The following GPR26 variants were observed in gnomAD, a reference collection of about 807,000 sequenced individuals.
GPR26 encodes the protein G protein-coupled receptor 26.
Under a neutral mutation model 23.1 loss-of-function variants are expected in GPR26, and 15 were observed. That is an observed-to-expected ratio of 0.65 (90% CI 0.43 to 1.00). The LOEUF is 1.00. GPR26 is among the 50% of genes least tolerant of loss of function. The pLI, the probability that GPR26 is intolerant of heterozygous loss-of-function variation, is 0.00. For missense variants in GPR26, 359 were observed against 470.5 expected (o/e 0.76, Z 2.19); for synonymous variants, 228 against 222.1 (o/e 1.03, Z -0.24).
At chr10:123,682,241 T>C (rs776169834) in intron 2 of GPR26, among the ~76,000 whole-genome samples, 1 of 152,166 alleles carries the variant, frequency 6.6e-6, no homozygotes, top group African/African-American at 2.4e-5. Context: ...CAGTCTCCCA[T>C]GTCACTGACA....
At chr10:123,668,033 G>A (rs1237790345) in intron 1 of GPR26, among the ~76,000 whole-genome samples, 1 of 152,136 alleles carries the variant, frequency 6.6e-6, no homozygotes, top group Non-Finnish European at 1.5e-5. Flanking sequence ...CTGTGTCCTG[G>A]GACCCTAGAT....
At chr10:123,675,818 A>ACGTGTGTGTGTGTGTGTGTGTG (rs1845300793) in intron 2 of GPR26, among the ~76,000 whole-genome samples, 1 of 16,520 alleles carries the variant, frequency 6.1e-5, no homozygotes. Flanking sequence ...GTGTGTGTGT[A>ACGTGTGTGTGTGTGTGTGTGTG]CGTGTGTGTG....
At position 123,666,917 on chromosome 10, in the gene GPR26, C is replaced by T. The variant is rs765974110; in HGVS notation, c.510C>T (p.Ala170=). 1.2e-6 allele frequency: 2 copies of T among 1,613,272 alleles called. No homozygotes were observed. Among genetic ancestry groups the T allele is most frequent in the South Asian group, 1.1e-5 (1 of 91,068 alleles). Residue 170 remains alanine (A), a synonymous_variant, in exon 1 of 3, where the codon GCC becomes GCT. Transcript: ENST00000284674. ...GGCCAGACGAGCGCCTGCGCTTCGC[C>T]GTCTTCACTGGCGCCTTCCACGCTC... ...SRRPDERLRF[A]VFTGAFHALS...
At chr10:123,680,549 G>T (rs1347573155) in intron 2 of GPR26, among the ~76,000 whole-genome samples, 1 of 152,196 alleles carries the variant, frequency 6.6e-6, no homozygotes, top group Non-Finnish European at 1.5e-5. Context: ...GCAGAAGGAT[G>T]TCTCCCTTGC....
chr10:123,675,750 T>C (rs1032519120), intron 2 of GPR26, among the ~76,000 whole-genome samples: 1 of 144,644 alleles, frequency 6.9e-6, no homozygotes, highest in Non-Finnish European at 1.5e-5. Flanking sequence ...AGAAGGTGGA[T>C]ATGGAAGCTT....
Position 123,688,007 on chromosome 10 carries a change from C to A in GPR26, c.861C>A (p.Ala287=), listed in dbSNP as rs747400565. 6.2e-7 allele frequency: 1 copy of A among 1,614,020 alleles called. No individual in the cohort carries two copies. Among genetic ancestry groups the A allele is most frequent in the South Asian group, 1.1e-5 (1 of 91,074 alleles). The stretch of plus-strand genomic sequence containing the variant: ...CCAAGTGCTTGGCGTACAGCAAGGC[C>A]GCATCCGACCCCTTTGTGTACTCCT... The part of the protein sequence containing the change: ...VLSKCLAYSK[A]ASDPFVYSLL... The change falls in exon 3 of 3, where the codon GCC becomes GCA. Residue 287 remains alanine (A), a synonymous_variant. Transcript: ENST00000284674.
intron 1 of GPR26, 72 bp downstream of exon 1, chr10:123,667,147 C>A: frequency 8.8e-7 from 1 of 1,142,694 alleles, no homozygotes; most frequent in Non-Finnish European, 1.2e-6. Context: ...GTCCCTAGCC[C>A]CAGGGGCTCT....
At chr10:123,681,360 T>A (rs1845373240) in intron 2 of GPR26, among the ~76,000 whole-genome samples, 1 of 152,278 alleles carries the variant, frequency 6.6e-6, no homozygotes, top group South Asian at 2.1e-4. Context: ...CACAACCCAC[T>A]CAGAAACGGA....
At chr10:123,684,556 C>T (rs1487709136) in intron 2 of GPR26, among the ~76,000 whole-genome samples, 1 of 152,198 alleles carries the variant, frequency 6.6e-6, no homozygotes, top group African/African-American at 2.4e-5. Context: ...GTGTTGGTTC[C>T]TTCTGAGGGT....
At chr10:123,667,132 G>C in intron 1 of GPR26, 57 bp downstream of exon 1, 1 of 1,287,936 alleles carries the variant, frequency 7.8e-7, no homozygotes, top group Admixed American at 2.5e-5. Flanking sequence ...CGGCGGGAGT[G>C]GGAGGTCCCT....
At chr10:123,679,968 C>T (rs1845351669) in intron 2 of GPR26, among the ~76,000 whole-genome samples, 2 of 152,238 alleles carry the variant, frequency 1.3e-5, no homozygotes, top group African/African-American at 4.8e-5. Context: ...GGGGGAACAT[C>T]CAGGGGTAGG....
rs1845477856 is a variant in GPR26, at chr10:123,690,287, C to G, written c.*2127C>G. On this transcript the variant is annotated 3_prime_UTR_variant, in exon 3 of 3. Transcript: ENST00000284674. ...ACAGCTGAATTGGAGGAGAGTAGCT[C>G]CCTTCTCACACAAACGCTTTCAAAG... 3.9e-5 allele frequency: 6 copies of G among 152,204 alleles called. No homozygotes were observed. Among genetic ancestry groups the G allele is most frequent in the Admixed American group, 3.9e-4 (6 of 15,290 alleles). 9.4% of individuals were successfully genotyped at this position (152,204 alleles called of 1,614,324 possible).
chr10:123,670,599 C>T (rs1193145172), intron 1 of GPR26, among the ~76,000 whole-genome samples: 2 of 152,224 alleles, frequency 1.3e-5, no homozygotes, highest in African/African-American at 2.4e-5. Context: ...CTCATATGTG[C>T]TGGGAGAGCC....
In GPR26 at chr10:123,666,701, C is replaced by G; in HGVS notation, c.294C>G (p.Ala98=). 2 of 1,599,444 alleles carry G rather than the reference C, an allele frequency of 1.3e-6. No individual in the cohort carries two copies. The highest frequency in any genetic ancestry group is 1.7e-6 in the Non-Finnish European group (2 of 1,178,248). Residue 98 remains alanine (A), a synonymous_variant, in exon 1 of 3, where the codon GCC becomes GCG. Transcript: ENST00000284674. ...FLAANSMLSM[A]ALSIDRWVAV... ...CTGCCAACTCCATGCTCAGCATGGCCGCGCTCAGCATCGACCGCTGGGTGG... is the reference window on the plus strand; with the variant it reads ...CTGCCAACTCCATGCTCAGCATGGCGGCGCTCAGCATCGACCGCTGGGTGG...
chr10:123,667,650 G>A (rs867648424), intron 1 of GPR26, among the ~76,000 whole-genome samples: 3 of 151,642 alleles, frequency 2.0e-5, no homozygotes, highest in East Asian at 1.9e-4. Flanking sequence ...GGCCCTGAGG[G>A]GTGGGGTGGG....
intron 2 of GPR26, among the ~76,000 whole-genome samples, chr10:123,685,783 G>A (rs529948183): frequency 3.5e-4 from 54 of 152,244 alleles, no homozygotes; most frequent in Non-Finnish European, 6.8e-4. Context: ...GACTTGGACT[G>A]CAGTTAGATG....
chr10:123,688,150 T>C lies in GPR26; in HGVS notation c.1004T>C (p.Val335Ala), dbSNP rs1338207069. 1 of 1,606,480 alleles carries C rather than the reference T, an allele frequency of 6.2e-7. No homozygotes were observed. Among genetic ancestry groups the C allele is most frequent in the Non-Finnish European group, 8.5e-7 (1 of 1,175,660 alleles). The change falls in exon 3 of 3, where the codon GTG (valine) becomes GCG (alanine). Residue 335 changes from valine (V) to alanine (A), a missense_variant. Coordinates refer to ENST00000284674, the MANE Select transcript of GPR26 (RefSeq NM_153442.4). ...TCTCACAGCCAGAACATTCTGCCGGTGTCTGAGTGAAGGACCGCGCTCCTG... is the reference window on the plus strand; with the variant it reads ...TCTCACAGCCAGAACATTCTGCCGGCGTCTGAGTGAAGGACCGCGCTCCTG... Reference protein sequence around the residue: ...GDSHSQNILPVSE With the variant: ...GDSHSQNILPASE
chr10:123,667,560 A>C (rs1459677039), intron 1 of GPR26, among the ~76,000 whole-genome samples: 1 of 75,496 alleles, frequency 1.3e-5, no homozygotes. Flanking sequence ...CTGTCTCACG[A>C]CTGTGTGTGT....
chr10:123,683,347 T>C (rs1468139881), intron 2 of GPR26, among the ~76,000 whole-genome samples: 1 of 152,234 alleles, frequency 6.6e-6, no homozygotes, highest in African/African-American at 2.4e-5. Context: ...GGGAGAGTGA[T>C]ACTGGGGTCC....
Sources: allele counts gnomAD v4.1 joint callset (sites outside exome capture counted in the v4.1 genomes callset), GRCh38; gene constraint gnomAD v4.1.1; transcripts MANE v1.5; gene names NCBI Gene and HGNC (gene_info 2026-07-23, HGNC 2026-07-21).